PTPRR: variants seen among roughly 807,000 people sequenced by gnomAD.
The protein encoded by PTPRR is protein tyrosine phosphatase receptor type R, also known as receptor-type tyrosine-protein phosphatase R.
In PTPRR, 38 loss-of-function variants were observed where a neutral mutation model predicts 77.2. The ratio of observed to expected loss-of-function variants is 0.49; its 90% CI spans 0.38 to 0.65. The LOEUF (loss-of-function observed/expected upper bound fraction) is 0.65. PTPRR is among the 30% of genes least tolerant of loss of function. The pLI is 0.00. For missense variants in PTPRR, 744 were observed against 799.2 expected, an observed-to-expected ratio of 0.93 and a Z score of 0.83; for synonymous variants, 299 against 283.1, an observed-to-expected ratio of 1.06 and a Z score of -0.57.
chr12:70,672,039 A>T, intron 10 of PTPRR: 8 of 1,329,056 alleles, frequency 6.0e-6, no homozygotes, highest in Non-Finnish European at 8.7e-6. Flanking sequence ...GTGGGGCCTC[A>T]CTTGGGCCCA....
chr12:70,880,581 G>A (rs190015489), intron 2 of PTPRR, among the ~76,000 whole-genome samples: 1 of 151,928 alleles, frequency 6.6e-6, no homozygotes, highest in East Asian at 1.9e-4. Flanking sequence ...GTCTTTCTTC[G>A]ATTAGAATAT....
rs536450443 is a variant in PTPRR at position 70,769,666 on chromosome 12, G to C, written c.358-4888C>G. Among the ~76,000 whole-genome samples the C allele has an allele frequency of 1.2e-4, 18 of 151,918 alleles. 1 individual carries two copies. In the East Asian group the frequency reaches 2.1e-3, roughly 18 times the overall value. ...CAGAATTGGAAAAAACTACTTTAAAGTTCATATGGAACCAAAAAAGAGCCC... is the reference window on the plus strand; with the variant it reads ...CAGAATTGGAAAAAACTACTTTAAACTTCATATGGAACCAAAAAAGAGCCC... On this transcript the variant is annotated intron_variant, in intron 2 of 13. Coordinates refer to ENST00000283228, the MANE Select transcript of PTPRR (RefSeq NM_002849.4).
At chr12:70,788,976 A>T in intron 2 of PTPRR, 1 of 1,134,600 alleles carries the variant, frequency 8.8e-7, no homozygotes, top group Non-Finnish European at 1.2e-6. Context: ...ACCGCCTGGT[A>T]CTGTTTCTAG....
chr12:70,868,124 T>C (rs1701092512), intron 2 of PTPRR, among the ~76,000 whole-genome samples: 1 of 152,146 alleles, frequency 6.6e-6, no homozygotes, highest in Non-Finnish European at 1.5e-5. Context: ...GACATAGGCA[T>C]GAGCAAGGAC....
chr12:70,858,451 C>T (rs1892690429), intron 2 of PTPRR, among the ~76,000 whole-genome samples: 1 of 152,004 alleles, frequency 6.6e-6, no homozygotes, highest in African/African-American at 2.4e-5. Context: ...CTTAGCACAT[C>T]CCATTGTAGC....
chr12:70,781,603 G>A (rs1891204379), intron 2 of PTPRR, among the ~76,000 whole-genome samples: 1 of 152,162 alleles, frequency 6.6e-6, no homozygotes, highest in Admixed American at 6.5e-5. Flanking sequence ...TATTGAGTAA[G>A]TTTTTAAGGG....
At chr12:70,754,483 T>C in intron 4 of PTPRR, 182 bp from the exon 5 acceptor site, 11 of 1,558,222 alleles carry the variant, frequency 7.1e-6, no homozygotes, top group Non-Finnish European at 9.5e-6. Flanking sequence ...TCCTTATATA[T>C]CGAGATTATT....
intron 12 of PTPRR, among the ~76,000 whole-genome samples, chr12:70,659,523 A>G (rs1434320230): frequency 6.6e-6 from 1 of 152,158 alleles, no homozygotes; most frequent in African/African-American, 2.4e-5. Context: ...TCTCAGAAAT[A>G]GTAATCAGAA....
chr12:70,642,286 C>T (rs1886033220), intron 13 of PTPRR, among the ~76,000 whole-genome samples: 1 of 152,100 alleles, frequency 6.6e-6, no homozygotes, highest in Non-Finnish European at 1.5e-5. Flanking sequence ...TGTAATTATG[C>T]TACTGGATTT....
rs186288565 is a variant in PTPRR, at chr12:70,836,715, C to G, written c.357+55964G>C. 5.9e-5 allele frequency among the ~76,000 whole-genome samples: 9 copies of G among 151,992 alleles called. No individual in the cohort carries two copies. The East Asian group carries it at 1.4e-3, about 23-fold the overall frequency. On this transcript the variant is annotated intron_variant, in intron 2 of 13. Transcript: ENST00000283228. ...TCCACTCTCACTCCTCACTCCCACT[C>G]CCACTCTTTGCTTGGCTATCTCTTA...
At chr12:70,908,388 C>T (rs906313371) in intron 1 of PTPRR, among the ~76,000 whole-genome samples, 5 of 152,104 alleles carry the variant, frequency 3.3e-5, no homozygotes, top group Admixed American at 6.6e-5. Context: ...CTCACAGTTC[C>T]GCGTGGCTGG....
intron 2 of PTPRR, among the ~76,000 whole-genome samples, chr12:70,844,485 T>C (rs1263603249): frequency 2.0e-5 from 3 of 152,194 alleles, no homozygotes; most frequent in Admixed American, 2.0e-4. Flanking sequence ...TAACATGTGA[T>C]CTCACCTTCA....
At chr12:70,817,600 TAC>T (rs1891927582) in intron 2 of PTPRR, among the ~76,000 whole-genome samples, 1 of 152,192 alleles carries the variant, frequency 6.6e-6, no homozygotes, top group Admixed American at 6.5e-5. Flanking sequence ...ACTACTTTTA[TAC>T]ACAGTCTTGT....
intron 6 of PTPRR, among the ~76,000 whole-genome samples, chr12:70,709,075 A>G (rs1888725431): frequency 6.6e-6 from 1 of 152,260 alleles, no homozygotes; most frequent in South Asian, 2.1e-4. Flanking sequence ...CTAATCCTCA[A>G]TAAAATACTG....
intron 2 of PTPRR, among the ~76,000 whole-genome samples, chr12:70,874,400 T>C (rs1055509529): frequency 2.6e-5 from 4 of 152,056 alleles, no homozygotes; most frequent in Non-Finnish European, 5.9e-5. Flanking sequence ...GACTGCACGA[T>C]GCAGTAAAGA....
intron 2 of PTPRR, among the ~76,000 whole-genome samples, chr12:70,856,829 T>G (rs1172461904): frequency 4.0e-4 from 43 of 107,608 alleles, no homozygotes; most frequent in Admixed American, 7.2e-4. Flanking sequence ...AGGTGAGGAG[T>G]GGAGTGGGGG....
At chr12:70,659,588 T>G (rs1886719028) in intron 12 of PTPRR, among the ~76,000 whole-genome samples, 1 of 152,144 alleles carries the variant, frequency 6.6e-6, no homozygotes, top group African/African-American at 2.4e-5. Flanking sequence ...TCCTGAGTGT[T>G]TAATGACTTT....
chr12:70,673,453 T>C (rs1442209882), intron 10 of PTPRR, among the ~76,000 whole-genome samples: 2 of 152,250 alleles, frequency 1.3e-5, no homozygotes, highest in African/African-American at 4.8e-5. Context: ...AGATATTGTT[T>C]CACATATCAT....
chr12:70,758,463 C>G (rs1890612553), intron 4 of PTPRR, among the ~76,000 whole-genome samples: 1 of 148,244 alleles, frequency 6.7e-6, no homozygotes, highest in Non-Finnish European at 1.5e-5. Flanking sequence ...GGCTTTTAAA[C>G]TGAGAATAAA....
Sources: allele counts gnomAD v4.1 joint callset (sites outside exome capture counted in the v4.1 genomes callset), GRCh38; gene constraint gnomAD v4.1.1; transcripts MANE v1.5; gene names NCBI Gene and HGNC (gene_info 2026-07-23, HGNC 2026-07-21).